Variants in RIF1 observed in about 807,000 individuals in gnomAD.
RIF1 encodes the protein telomere-associated protein RIF1.
RIF1 carries 45 observed loss-of-function variants against 247.1 expected under a neutral mutation model. The observed-to-expected ratio is 0.18, with a 90% confidence interval of 0.14 to 0.23. RIF1 has a LOEUF of 0.23. Ranked by LOEUF, RIF1 falls within the 10% of genes least tolerant of loss-of-function variation. RIF1 has a pLI of 1.00. For missense variants in RIF1, 2,967 were observed against 2,862.5 expected, an observed-to-expected ratio of 1.04 and a Z score of -0.83; for synonymous variants, 1,087 against 978.8, an observed-to-expected ratio of 1.11 and a Z score of -2.06.
intron 10 of RIF1, chr2:151,498,048 A>ATTAT (rs2061494097): frequency 3.5e-6 from 5 of 1,448,962 alleles, no homozygotes; most frequent in South Asian, 3.0e-5. Context: ...GGAAACATTC[A>ATTAT]TTATTTTTAA....
chr2:151,497,948 T>A (rs954903295), intron 10 of RIF1: 13 of 1,427,808 alleles, frequency 9.1e-6, no homozygotes, highest in Middle Eastern at 3.7e-4. Context: ...ATCCATGTTA[T>A]TTTTTTTCAT....
At chr2:151,466,233 G>A (rs1696850812) in intron 30 of RIF1, 113 bp downstream of exon 30, 1 of 655,200 alleles carries the variant, frequency 1.5e-6, no homozygotes, top group Non-Finnish European at 2.7e-6. Flanking sequence ...CCACTCATTT[G>A]ATTATTTACC....
the RIF1 span, among the ~76,000 whole-genome samples, chr2:151,530,016 G>A: frequency 1.1e-4 from 16 of 152,134 alleles, no homozygotes; most frequent in African/African-American, 1.2e-4. Context: ...TCTGTGCTCC[G>A]GCAGTTATAG....
chr2:151,470,169 G>A (rs1182578379), intron 34 of RIF1, among the ~76,000 whole-genome samples: 1 of 151,852 alleles, frequency 6.6e-6, no homozygotes, highest in African/African-American at 2.4e-5. Flanking sequence ...CAGTATTTTG[G>A]TTTGGATGCC....
In RIF1 at chr2:151,507,133, T is replaced by G. The variant is rs2069731952; in HGVS notation, c.*1028-596T>G. The G allele has an allele frequency of 1.4e-5, 9 of 643,182 alleles. No homozygotes were observed. The East Asian group carries it at 2.5e-4, about 18-fold the overall frequency. 39.8% of individuals were successfully genotyped at this position (643,182 alleles called of 1,614,324 possible). A position where few individuals can be genotyped will look rare whatever the true frequency, so the allele number is the denominator to read the frequency against. On this transcript the variant is annotated intron_variant and NMD_transcript_variant, in intron 13 of 13. Coordinates refer to the RIF1 transcript ENST00000454583. ...TCTTTAAAAAAAAGTCTATGCACAA[T>G]AATTATGGTCTGGTAGCCCAAGGGA... is the stretch of plus-strand genomic sequence containing the variant.
chr2:151,524,173 T>C, the RIF1 span: 3 of 717,970 alleles, frequency 4.2e-6, no homozygotes, highest in Non-Finnish European at 6.9e-6. Flanking sequence ...CAGTGCACTT[T>C]TTATAACTCT....
chr2:151,444,528 T>C (rs1692912822), intron 18 of RIF1, among the ~76,000 whole-genome samples: 1 of 152,182 alleles, frequency 6.6e-6, no homozygotes. Flanking sequence ...CAGGCGGATC[T>C]CAAACTCTTG....
At chr2:151,410,326 C>A in intron 1 of RIF1, 88 bp from the exon 2 acceptor site, 2 of 1,000,688 alleles carry the variant, frequency 2.0e-6, no homozygotes, top group Non-Finnish European at 1.5e-6. Flanking sequence ...GGCGGGCGTG[C>A]GGGTGTGAGG....
In RIF1 at chr2:151,468,046, C is replaced by T; in HGVS notation, c.6647C>T (p.Ala2216Val). 1 of 1,613,596 alleles carries T rather than the reference C, an allele frequency of 6.2e-7. No homozygotes were observed. Among genetic ancestry groups the T allele is most frequent in the Non-Finnish European group, 8.5e-7 (1 of 1,179,756 alleles). The change falls in exon 31 of 36, where the codon GCA becomes GTA. Residue 2216 changes from alanine (A) to valine (V), a missense_variant. Ala to Val is a moderately conservative substitution (Grantham distance 64). Transcript: ENST00000444746. ...GATCCAATATACCAAGCAGGATTGG[C>T]AGATGACATTGATAGACGGTGCTCT... is the stretch of plus-strand genomic sequence containing the variant. ...FADPIYQAGLADDIDRRCSIV... is the reference protein window; with the variant it reads ...FADPIYQAGLVDDIDRRCSIV...
At position 151,474,891 on chromosome 2, in the gene RIF1, A is replaced by G; in HGVS notation, c.7239A>G (p.Leu2413=). ...ATCCTGTTGCTTTAGAAATTCCATT[A>G]TCCAAAAACCTTCTGGCACAGATTA... ...IIDPVALEIP[L]SKNLLAQISA... Residue 2413 remains leucine (L), a synonymous_variant, in exon 36 of 36, where the codon TTA becomes TTG. Coordinates refer to ENST00000444746, the MANE Select transcript of RIF1 (RefSeq NM_018151.5). 1 of 1,594,850 alleles carries G rather than the reference A, an allele frequency of 6.3e-7. No homozygotes were observed. Among genetic ancestry groups the G allele is most frequent in the Admixed American group, 1.7e-5 (1 of 59,862 alleles).
chr2:151,469,072 T>G (rs1206471943), intron 33 of RIF1, among the ~76,000 whole-genome samples: 1 of 152,180 alleles, frequency 6.6e-6, no homozygotes, highest in Admixed American at 6.5e-5. Context: ...TTACAAAGAT[T>G]ACCAGCAAAA....
At chr2:151,460,803 T>C (rs1364781577) in intron 26 of RIF1, among the ~76,000 whole-genome samples, 1 of 152,214 alleles carries the variant, frequency 6.6e-6, no homozygotes, top group Non-Finnish European at 1.5e-5. Flanking sequence ...TTTCACTAAG[T>C]CATGCCTCAA....
chr2:151,494,559 C>CCAAA (rs1253408535), intron 9 of RIF1, among the ~76,000 whole-genome samples: 3 of 152,148 alleles, frequency 2.0e-5, no homozygotes, highest in African/African-American at 7.2e-5. Flanking sequence ...GAGAGATGAT[C>CCAAA]CAAACAGGAG....
chr2:151,529,878 A>C, the RIF1 span, among the ~76,000 whole-genome samples: 97,500 of 151,876 alleles, frequency 0.64, 31,639 homozygotes, highest in East Asian at 0.78. Flanking sequence ...ACCAGTTGGA[A>C]CCCTATTCAT....
At chr2:151,466,650 A>T (rs1366904213) in intron 30 of RIF1, among the ~76,000 whole-genome samples, 5 of 152,224 alleles carry the variant, frequency 3.3e-5, no homozygotes, top group Non-Finnish European at 7.3e-5. Flanking sequence ...TTTACTTTAG[A>T]AAAGATGGAT....
At chr2:151,526,006 C>G in the RIF1 span, 25 of 1,613,874 alleles carry the variant, frequency 1.5e-5, no homozygotes, top group Non-Finnish European at 2.1e-5. Context: ...TGTCCCGGGT[C>G]TCTGGTAGTG....
rs1362988397 is a variant in RIF1 at position 151,424,844 on chromosome 2, TTTTTTTTTTTTTC to T, written c.786+1803_786+1815del. On this transcript the variant is annotated intron_variant, in intron 8 of 35. Transcript: ENST00000444746. ...CGGCTGATTTTTTTTTTTTTTTTTT[TTTTTTTTTTTTTC>T]CATATTTTTTGTAGAGACTGGGTTT... Among the ~76,000 whole-genome samples the T allele has an allele frequency of 3.2e-4, 45 of 139,180 alleles. 1 individual carries two copies. Among genetic ancestry groups the T allele is most frequent in the South Asian group, 2.7e-3 (11 of 4,092 alleles). 91.3% of individuals were successfully genotyped at this position (139,180 alleles called of 152,430 possible).
At chr2:151,484,346 A>G (rs2049360919), downstream of RIF1, among the ~76,000 whole-genome samples, 1 of 152,264 alleles carries the variant, frequency 6.6e-6, no homozygotes, top group African/African-American at 2.4e-5. Context: ...CTGTAATCCC[A>G]GCACTTTGGG....
At chr2:151,447,877 CTAT>C (rs928891654) in intron 20 of RIF1, among the ~76,000 whole-genome samples, 1 of 152,038 alleles carries the variant, frequency 6.6e-6, no homozygotes, top group African/African-American at 2.4e-5. Context: ...TTGTTTTTTT[CTAT>C]TATTTATTAC....
Sources: allele counts gnomAD v4.1 joint callset (sites outside exome capture counted in the v4.1 genomes callset), GRCh38; gene constraint gnomAD v4.1.1; transcripts MANE v1.5; gene names NCBI Gene and HGNC (gene_info 2026-07-23, HGNC 2026-07-21).